The following ADAMTSL2 variants were observed in gnomAD, a reference collection of about 807,000 sequenced individuals.
ADAMTSL2 encodes ADAMTS like 2.
In ADAMTSL2, 55 loss-of-function variants were observed where a neutral mutation model predicts 117.0. That is an observed-to-expected ratio of 0.47 (90% CI 0.38 to 0.59). The LOEUF is 0.59. Ranked by LOEUF, ADAMTSL2 falls within the 20% of genes least tolerant of loss-of-function variation. ADAMTSL2 has a pLI of 0.00. For synonymous variants in ADAMTSL2, 572 were observed against 566.4 expected, an observed-to-expected ratio of 1.01 and a Z score of -0.14; for missense variants, 1,182 against 1,354.5, an observed-to-expected ratio of 0.87 and a Z score of 2.00.
At position 133,536,673 on chromosome 9, in the gene ADAMTSL2, C is replaced by G. The variant is rs778765212; in HGVS notation, c.-40C>G. 6.2e-7 allele frequency: 1 copy of G among 1,614,042 alleles called. No homozygotes were observed. The highest frequency in any genetic ancestry group is 1.3e-5 in the African/African-American group (1 of 74,940). ...GTACCCTGGTCATCTGGAAGAGGAT[C>G]GGAGCTGGCCTGGTGGTGACAGTGG... On this transcript the variant is annotated 5_prime_UTR_variant, in exon 2 of 19. It adds an upstream start codon to the 5' untranslated region. Coordinates refer to ENST00000651351, the MANE Select transcript of ADAMTSL2 (RefSeq NM_014694.4).
intron 13 of ADAMTSL2, among the ~76,000 whole-genome samples, 161 bp downstream of exon 13, chr9:133,567,223 C>T (rs1413793211): frequency 6.6e-6 from 1 of 152,218 alleles, no homozygotes; most frequent in Non-Finnish European, 1.5e-5. Context: ...CCCTCAGAGA[C>T]CTTCTGGGTC....
chr9:133,568,170 T>G, intron 13 of ADAMTSL2, 103 bp from the exon 14 acceptor site: 3 of 1,208,188 alleles, frequency 2.5e-6, no homozygotes, highest in African/African-American at 1.5e-5. Context: ...TTGGACCACA[T>G]AGGGGAGGAA....
In ADAMTSL2 at chr9:133,537,393, C is replaced by T; in HGVS notation, c.91-12C>T. 7.5e-7 allele frequency: 1 copy of T among 1,334,030 alleles called. No homozygotes were observed. Among genetic ancestry groups the T allele is most frequent in the Non-Finnish European group, 9.7e-7 (1 of 1,033,436 alleles). The allele number at this position is 1,334,030 out of a possible 1,614,324, so 82.6% of individuals were successfully genotyped here. A position where few individuals can be genotyped will look rare whatever the true frequency, so the allele number is the denominator to read the frequency against. On this transcript the variant is annotated splice_polypyrimidine_tract_variant and intron_variant, in intron 2 of 18. Transcript: ENST00000651351. Reference sequence around the variant, plus strand: ...TTGAGCCCTCTACCATCTGGGGGTCCCTCTCACCCAGGACAACAGCCCAAC... The same window carrying T: ...TTGAGCCCTCTACCATCTGGGGGTCTCTCTCACCCAGGACAACAGCCCAAC...
chr9:133,544,108 A>G (rs563126466), intron 7 of ADAMTSL2, among the ~76,000 whole-genome samples: 1 of 152,388 alleles, frequency 6.6e-6, no homozygotes, highest in Admixed American at 6.5e-5. Context: ...CAATGCACGC[A>G]GGGAGCTGGG....
rs1831056194 is a variant in ADAMTSL2, at chr9:133,569,534, G to A, written c.2371G>A (p.Asp791Asn). ...GCCTCTGGCCATCCACCCCTGTGGG[G>A]ACAAAAACTGTCCCGCCCACTGGCT... ...TKPLAIHPCG[D>N]KNCPAHWLAQ... Residue 791 changes from aspartate (D) to asparagine (N), a missense_variant, in exon 16 of 19, where the codon GAC (aspartate) becomes AAC (asparagine). Physicochemically the swap from Asp to Asn is conservative, Grantham distance 23. Coordinates refer to ENST00000651351, the MANE Select transcript of ADAMTSL2 (RefSeq NM_014694.4). The A allele has an allele frequency of 2.5e-6, 4 of 1,603,366 alleles. No homozygotes were observed. The South Asian group carries it at 4.5e-5, about 18-fold the overall frequency.
In ADAMTSL2 at chr9:133,555,630, A is replaced by G; in HGVS notation, c.1349A>G (p.Gln450Arg). 1 of 1,613,588 alleles carries G rather than the reference A, an allele frequency of 6.2e-7. No individual in the cohort carries two copies. Among genetic ancestry groups the G allele is most frequent in the South Asian group, 1.1e-5 (1 of 91,086 alleles). ...GAGGTTGACACCCACTTCGCCTCCC[A>G]GGAGTTCTTCTCGGCTAACGCCATC... ...DEEVDTHFAS[Q>R]EFFSANAISD... The change falls in exon 11 of 19, where the codon CAG becomes CGG. Residue 450 changes from glutamine to arginine, a missense_variant. This residue lies in a region of ADAMTSL2 where 345 missense variants were observed against 325.8 expected (regional missense o/e 1.06). Transcript: ENST00000651351.
At chr9:133,555,477 C>A in intron 10 of ADAMTSL2, 81 bp from the exon 11 acceptor site, 1 of 1,572,238 alleles carries the variant, frequency 6.4e-7, no homozygotes, top group East Asian at 2.2e-5. Flanking sequence ...CTGGCCCCCT[C>A]GTCCAGGTCC....
rs866077665 is a variant in ADAMTSL2 at position 133,563,087 on chromosome 9, C to T, written c.1747+1792C>T. ...CCCTGGGCAAATTGCCAAAGCCTTC[C>T]GAGCCACTGTTTTCCACAGGTGAAC... On this transcript the variant is annotated intron_variant, in intron 12 of 18. Transcript: ENST00000651351. Among the ~76,000 whole-genome samples, 693 of 152,380 alleles carry T rather than the reference C, an allele frequency of 4.5e-3. 8 individuals carry two copies. Among genetic ancestry groups the T allele is most frequent in the African/African-American group, 0.016 (648 of 41,596 alleles).
At chr9:133,564,197 AGG>A (rs1291152761) in intron 12 of ADAMTSL2, among the ~76,000 whole-genome samples, 2 of 57,288 alleles carry the variant, frequency 3.5e-5, no homozygotes, top group Non-Finnish European at 7.2e-5. Flanking sequence ...AGAGAGAGAG[AGG>A]GAGAGAGAGA....
Position 133,557,143 on chromosome 9 carries a change from A to T in ADAMTSL2, c.1649+1213A>T, listed in dbSNP as rs1238498353. Among the ~76,000 whole-genome samples the T allele has an allele frequency of 6.6e-6, 1 of 151,916 alleles. No individual in the cohort carries two copies. The highest frequency in any genetic ancestry group is 1.5e-5 in the Non-Finnish European group (1 of 67,986). On this transcript the variant is annotated intron_variant, in intron 11 of 18. Coordinates refer to ENST00000651351, the MANE Select transcript of ADAMTSL2 (RefSeq NM_014694.4). This position sits in a 1 kb window ranked among gnomAD's most constrained non-coding sequence, Gnocchi z 5.2. ...ATGGGAGATTCAGGGTTCACTCTCG[A>T]GGTGATGTGGTTTGGGGCCACCCTC...
chr9:133,572,910 G>A (rs1831143550), intron 17 of ADAMTSL2, among the ~76,000 whole-genome samples: 1 of 152,200 alleles, frequency 6.6e-6, no homozygotes, highest in African/African-American at 2.4e-5. Context: ...CTCTCCAGAG[G>A]CACGTCCAGA....
chr9:133,568,217 A>G, intron 13 of ADAMTSL2, 56 bp from the exon 14 acceptor site: 1 of 1,524,230 alleles, frequency 6.6e-7, no homozygotes, highest in Non-Finnish European at 8.8e-7. Context: ...TGTGGGTTGC[A>G]TGGGGTCCCG....
chr9:133,535,681 G>A (rs779703519), intron 1 of ADAMTSL2, among the ~76,000 whole-genome samples: 1 of 152,204 alleles, frequency 6.6e-6, no homozygotes, highest in Admixed American at 6.5e-5. Flanking sequence ...GTGGCTTTGA[G>A]CAGGTTGGCT....
At chr9:133,574,107 G>C in intron 18 of ADAMTSL2, 120 bp downstream of exon 18, 1 of 1,353,232 alleles carries the variant, frequency 7.4e-7, no homozygotes, top group Non-Finnish European at 1.0e-6. Context: ...GAACCAGCTT[G>C]AGAGACCAAG....
In ADAMTSL2 at chr9:133,544,537, C is replaced by A. The variant is rs369011404; in HGVS notation, c.750C>A (p.Ser250=). 1 of 1,614,050 alleles carries A rather than the reference C, an allele frequency of 6.2e-7. No individual in the cohort carries two copies. The highest frequency in any genetic ancestry group is 1.7e-5 in the Admixed American group (1 of 60,026). ...RDIQIVERKK[S]ADVLALADEA... The stretch of plus-strand genomic sequence containing the variant: ...TCCAGATTGTAGAGAGGAAGAAGTC[C>A]GCTGACGTGCTAGGTGGGTACGCAG... Residue 250 remains serine, a synonymous_variant, in exon 8 of 19, where the codon TCC becomes TCA. Coordinates refer to ENST00000651351, the MANE Select transcript of ADAMTSL2 (RefSeq NM_014694.4).
At position 133,554,322 on chromosome 9, in the gene ADAMTSL2, A is replaced by C; in HGVS notation, c.940-35A>C. 1 of 1,516,738 alleles carries C rather than the reference A, an allele frequency of 6.6e-7. No homozygotes were observed. The highest frequency in any genetic ancestry group is 8.8e-7 in the Non-Finnish European group (1 of 1,130,068). 94.0% of individuals were successfully genotyped at this position (1,516,738 alleles called of 1,614,324 possible). On this transcript the variant is annotated intron_variant, in intron 9 of 18. Transcript: ENST00000651351. This position sits in a 1 kb window ranked among gnomAD's most constrained non-coding sequence, Gnocchi z 5.2. ...TGGTGGGGAAGGGGCTGGACAGAGT[A>C]AGGAGGGGCTGGGGACCCACTTCTC...
At chr9:133,569,600 G>T in intron 16 of ADAMTSL2, 22 bp downstream of exon 16, 1 of 1,554,298 alleles carries the variant, frequency 6.4e-7, no homozygotes, top group Non-Finnish European at 8.7e-7. Flanking sequence ...AGAGCCCGCG[G>T]AAGGGCCTCC....
chr9:133,538,319 C>A (rs1158247321), intron 3 of ADAMTSL2, 30 bp from the exon 4 acceptor site: 1 of 1,612,992 alleles, frequency 6.2e-7, no homozygotes, highest in Non-Finnish European at 8.5e-7. Flanking sequence ...CCTCTGCAGC[C>A]CTCACTCCGA....
intron 1 of ADAMTSL2, among the ~76,000 whole-genome samples, 161 bp downstream of exon 1, chr9:133,535,078 G>C (rs1208251243): frequency 6.6e-6 from 1 of 152,180 alleles, no homozygotes; most frequent in Non-Finnish European, 1.5e-5. Flanking sequence ...CACGGGGCAG[G>C]GTGGCCTCCC....
Sources: gnomAD v4.1 joint callset for allele counts (sites outside exome capture counted in the v4.1 genomes callset) on GRCh38, gnomAD v4.1.1 for gene constraint, gnomAD v4.1.1 regional missense constraint, Gnocchi (gnomAD v3.1) non-coding constraint, MANE v1.5 for transcripts, NCBI Gene and HGNC (gene_info 2026-07-23, HGNC 2026-07-21) for gene names.